Variants in SLX4IP observed in about 807,000 individuals in gnomAD.
SLX4IP encodes the protein SLX4 interacting protein, also known as protein SLX4IP.
Under a neutral mutation model 32.9 loss-of-function variants are expected in SLX4IP, and 34 were observed. That is an observed-to-expected ratio of 1.03 (90% confidence interval 0.79 to 1.38). The LOEUF (loss-of-function observed/expected upper bound fraction) is 1.38. Ranked by LOEUF, SLX4IP falls within the 40% of genes most tolerant of loss-of-function variation. The pLI is 0.00. For synonymous variants in SLX4IP, 172 were observed against 171.7 expected, an observed-to-expected ratio of 1.00 and a Z score of -0.01; for missense variants, 444 against 479.0, an observed-to-expected ratio of 0.93 and a Z score of 0.68.
At chr20:10,475,287 G>C (rs1309811065) in intron 2 of SLX4IP, among the ~76,000 whole-genome samples, 4 of 152,236 alleles carry the variant, frequency 2.6e-5, no homozygotes, top group Non-Finnish European at 5.9e-5. Flanking sequence ...AATCCCTGGG[G>C]AGTGGAAAGT....
At chr20:10,497,779 T>G (rs1176492448) in intron 2 of SLX4IP, among the ~76,000 whole-genome samples, 2 of 152,124 alleles carry the variant, frequency 1.3e-5, no homozygotes, top group African/African-American at 2.4e-5. Context: ...TTCATATACT[T>G]TGGAATTTTG....
At position 10,571,904 on chromosome 20, in the gene SLX4IP, A is replaced by G. The variant is rs796638373; in HGVS notation, c.238+11084A>G. On this transcript the variant is annotated intron_variant, in intron 4 of 7. Transcript: ENST00000334534. ...TTCTCATCTGGTTTTCAGAAAGTCA[A>G]AACCACAACTTACCCCAGTGTAAGA... Among the ~76,000 whole-genome samples the G allele has an allele frequency of 3.9e-5, 6 of 152,326 alleles. 1 individual carries two copies. Among genetic ancestry groups the G allele is most frequent in the African/African-American group, 1.4e-4 (6 of 41,572 alleles).
intron 2 of SLX4IP, among the ~76,000 whole-genome samples, chr20:10,490,312 G>A (rs904074962): frequency 1.3e-5 from 2 of 151,944 alleles, no homozygotes; most frequent in South Asian, 2.1e-4. Flanking sequence ...CCATTTCCGG[G>A]TCTGTCCCAG....
chr20:10,436,654 C>T (rs2065118316), intron 1 of SLX4IP, among the ~76,000 whole-genome samples: 1 of 152,188 alleles, frequency 6.6e-6, no homozygotes, highest in South Asian at 2.1e-4. Context: ...CACGCCCGGC[C>T]TGGCCCATTC....
intron 1 of SLX4IP, among the ~76,000 whole-genome samples, chr20:10,445,564 C>T (rs1159684006): frequency 6.7e-6 from 1 of 150,298 alleles, no homozygotes; most frequent in Non-Finnish European, 1.5e-5. Flanking sequence ...ATCCGCCCGC[C>T]TCAGCCTCCC....
chr20:10,517,921 AT>A (rs566503070), intron 2 of SLX4IP, among the ~76,000 whole-genome samples: 94 of 152,232 alleles, frequency 6.2e-4, no homozygotes, highest in African/African-American at 2.2e-3. Flanking sequence ...TTAAGGTGAA[AT>A]TTTATTTCTC....
intron 2 of SLX4IP, among the ~76,000 whole-genome samples, chr20:10,544,370 C>G (rs533223357): frequency 1.3e-5 from 2 of 152,276 alleles, no homozygotes; most frequent in East Asian, 1.9e-4. Flanking sequence ...GGCTACACAT[C>G]ACATTCACCT....
chr20:10,448,574 A>G (rs1321152798), intron 1 of SLX4IP, among the ~76,000 whole-genome samples: 1 of 152,242 alleles, frequency 6.6e-6, no homozygotes, highest in African/African-American at 2.4e-5. Context: ...GGAAAACATC[A>G]CATTAGCCTT....
At chr20:10,528,302 G>C (rs537900721) in intron 2 of SLX4IP, among the ~76,000 whole-genome samples, 1 of 152,060 alleles carries the variant, frequency 6.6e-6, no homozygotes, top group Non-Finnish European at 1.5e-5. Flanking sequence ...GACCTTCTGT[G>C]GGTCCATTTA....
intron 7 of SLX4IP, 70 bp from the exon 8 acceptor site, chr20:10,622,589 T>C (rs2122574147): frequency 6.6e-7 from 1 of 1,521,212 alleles, no homozygotes; most frequent in South Asian, 1.3e-5. Context: ...GGAAATGTGG[T>C]AGAGGGAATC....
intron 1 of SLX4IP, among the ~76,000 whole-genome samples, chr20:10,447,352 C>A (rs1190304913): frequency 6.6e-6 from 1 of 152,058 alleles, no homozygotes; most frequent in Non-Finnish European, 1.5e-5. Flanking sequence ...TCTTCCTTTT[C>A]TAGAAGTGTC....
chr20:10,528,350 T>C (rs1434436930), intron 2 of SLX4IP, among the ~76,000 whole-genome samples: 1 of 152,172 alleles, frequency 6.6e-6, no homozygotes, highest in Non-Finnish European at 1.5e-5. Flanking sequence ...ATTTTTGAAA[T>C]GTAATTAATT....
intron 4 of SLX4IP, among the ~76,000 whole-genome samples, chr20:10,591,610 G>C (rs2066710808): frequency 6.6e-6 from 1 of 152,156 alleles, no homozygotes; most frequent in African/African-American, 2.4e-5. Flanking sequence ...GATGAGTGAA[G>C]GGTTTTAAAG....
intron 2 of SLX4IP, among the ~76,000 whole-genome samples, chr20:10,467,771 G>GTTTTATCTC (rs1163474312): frequency 6.6e-6 from 1 of 152,174 alleles, no homozygotes; most frequent in Non-Finnish European, 1.5e-5. Flanking sequence ...CTCAGGCTTA[G>GTTTTATCTC]AGCTTTTAGA....
rs56313213 is a variant in SLX4IP, at chr20:10,614,142, G to A, written c.406-7172G>A. ...GCCTCGTCGGACCTCGCCATCGGAGGCCTCGCGTTGCACGCCCAGCACCCA... is the reference window on the plus strand; with the variant it reads ...GCCTCGTCGGACCTCGCCATCGGAGACCTCGCGTTGCACGCCCAGCACCCA... On this transcript the variant is annotated intron_variant, in intron 6 of 7. Coordinates refer to ENST00000334534, the MANE Select transcript of SLX4IP (RefSeq NM_001009608.3). 1.5e-3 allele frequency: 1,768 copies of A among 1,186,174 alleles called. 18 individuals are homozygous for A. In the African/African-American group the frequency reaches 0.025, roughly 17 times the overall value. The allele number at this position is 1,186,174 out of a possible 1,614,324, so 73.5% of individuals were successfully genotyped here.
At chr20:10,512,698 A>G (rs1294391946) in intron 2 of SLX4IP, among the ~76,000 whole-genome samples, 1 of 133,214 alleles carries the variant, frequency 7.5e-6, no homozygotes, top group Non-Finnish European at 1.6e-5. Flanking sequence ...TATATATAGT[A>G]TATATAGTGT....
rs927607446 is a variant in SLX4IP at position 10,556,222 on chromosome 20, G to A, written c.28-9G>A. ...CACAGACACTGACTCTGCCATTAAT[G>A]TCTTTCAGTGTGGGAATTTTGCTGT... On this transcript the variant is annotated splice_polypyrimidine_tract_variant and intron_variant, in intron 2 of 7. Coordinates refer to ENST00000334534, the MANE Select transcript of SLX4IP (RefSeq NM_001009608.3). The A allele has an allele frequency of 6.2e-7, 1 of 1,611,952 alleles. No individual in the cohort carries two copies. The highest frequency in any genetic ancestry group is 8.5e-7 in the Non-Finnish European group (1 of 1,178,968).
chr20:10,610,573 T>C (rs1483392553), intron 6 of SLX4IP, among the ~76,000 whole-genome samples: 2 of 152,260 alleles, frequency 1.3e-5, no homozygotes, highest in South Asian at 2.1e-4. Context: ...GGGAAGGTCA[T>C]GTCTGCCTCG....
At chr20:10,533,778 C>T (rs2066012377) in intron 2 of SLX4IP, among the ~76,000 whole-genome samples, 1 of 151,806 alleles carries the variant, frequency 6.6e-6, no homozygotes, top group Non-Finnish European at 1.5e-5. Flanking sequence ...TGCCACACTG[C>T]CTGACTAATT....
Sources: allele counts gnomAD v4.1 joint callset (sites outside exome capture counted in the v4.1 genomes callset), GRCh38; gene constraint gnomAD v4.1.1; transcripts MANE v1.5; gene names NCBI Gene and HGNC (gene_info 2026-07-23, HGNC 2026-07-21).